Variants in BCL11B observed in about 807,000 individuals in gnomAD.
BCL11B encodes B-cell lymphoma/leukemia 11B.
In BCL11B, 8 loss-of-function variants were observed where a neutral mutation model predicts 49.9. The observed-to-expected ratio is 0.16, with a 90% CI of 0.09 to 0.29. BCL11B has a LOEUF of 0.29. Among genes scored for constraint, BCL11B ranks in the 10% least tolerant of loss-of-function variants. The pLI is 1.00. For synonymous variants in BCL11B, 739 were observed against 637.4 expected (o/e 1.16, Z -2.40); for missense variants, 1,006 against 1,351.0 (o/e 0.74, Z 4.00).
At position 99,205,362 on chromosome 14, in the gene BCL11B, C is replaced by T. The variant is rs926930248; in HGVS notation, c.640+25983G>A. Among the ~76,000 whole-genome samples the T allele has an allele frequency of 5.3e-5, 8 of 152,148 alleles. No individual in the cohort carries two copies. The highest frequency in any genetic ancestry group is 3.9e-4 in the Admixed American group (6 of 15,280). On this transcript the variant is annotated intron_variant, in intron 3 of 3. Coordinates refer to ENST00000357195, the MANE Select transcript of BCL11B (RefSeq NM_138576.4). The surrounding 1 kb of genome is among the most constrained non-coding windows in gnomAD (Gnocchi z 5.0). ...AGGCCAGCAGGGCCAGTGGAGGATTCGCATTCACTCTGGTGCTCCACAAGT... is the reference window on the plus strand; with the variant it reads ...AGGCCAGCAGGGCCAGTGGAGGATTTGCATTCACTCTGGTGCTCCACAAGT...
chr14:99,271,022 G>A, intron 1 of BCL11B, 139 bp downstream of exon 1: 1 of 888,186 alleles, frequency 1.1e-6, no homozygotes, highest in Non-Finnish European at 1.6e-6. Flanking sequence ...CCATGCTCCA[G>A]GCCGACGCCG....
chr14:99,175,206 GCTCCTCCTCCTC>G lies in BCL11B; in HGVS notation c.1618_1629del (p.Glu540_Glu543del), dbSNP rs761352760. 4.5e-6 allele frequency: 7 copies of G among 1,554,490 alleles called. No homozygotes were observed. Among genetic ancestry groups the G allele is most frequent in the African/African-American group, 1.4e-5 (1 of 73,320 alleles). On this transcript the variant is annotated inframe_deletion, in exon 4 of 4. Coordinates refer to ENST00000357195, the MANE Select transcript of BCL11B (RefSeq NM_138576.4). ...GGCCGGCTCTCGTTCTCCAGTAGCA[GCTCCTCCTCCTC>G]CTCCTCCTCCTCCTCGTCCTCCTCC...
At chr14:99,208,133 A>G (rs965982371) in intron 3 of BCL11B, among the ~76,000 whole-genome samples, 23 of 152,286 alleles carry the variant, frequency 1.5e-4, no homozygotes, top group African/African-American at 5.5e-4. Flanking sequence ...GCATGTTGCA[A>G]TGAGGAGTCT....
chr14:99,261,207 C>A (rs1889327499), intron 1 of BCL11B, among the ~76,000 whole-genome samples: 1 of 152,192 alleles, frequency 6.6e-6, no homozygotes. Flanking sequence ...AGTAAGTGGA[C>A]CAAGTGGGCC....
chr14:99,233,152 C>T (rs1888387037), intron 2 of BCL11B, among the ~76,000 whole-genome samples: 1 of 152,298 alleles, frequency 6.6e-6, no homozygotes, highest in South Asian at 2.1e-4. Context: ...TGGAAGCCTG[C>T]CCTAGCCTGA....
intron 3 of BCL11B, among the ~76,000 whole-genome samples, chr14:99,217,783 T>C (rs2139858399): frequency 6.6e-6 from 1 of 152,248 alleles, no homozygotes; most frequent in East Asian, 1.9e-4. Flanking sequence ...CTGGGCTCCT[T>C]AACCTCTGAC....
At chr14:99,225,965 A>G (rs1888148974) in intron 3 of BCL11B, among the ~76,000 whole-genome samples, 1 of 152,208 alleles carries the variant, frequency 6.6e-6, no homozygotes, top group Non-Finnish European at 1.5e-5. Flanking sequence ...TCACAGAAAG[A>G]GGCGTCTGGG....
chr14:99,193,257 T>G (rs985024946), intron 3 of BCL11B, among the ~76,000 whole-genome samples: 1 of 152,236 alleles, frequency 6.6e-6, no homozygotes, highest in African/African-American at 2.4e-5. Context: ...AAAGGTTTCA[T>G]TATGTTTTCA....
At chr14:99,190,431 T>C (rs930384588) in intron 3 of BCL11B, among the ~76,000 whole-genome samples, 1 of 152,220 alleles carries the variant, frequency 6.6e-6, no homozygotes, top group African/African-American at 2.4e-5. Flanking sequence ...GAGGTTGCAG[T>C]GAGCCGAGAT....
At chr14:99,206,538 CA>C (rs1887538491) in intron 3 of BCL11B, among the ~76,000 whole-genome samples, 1 of 152,218 alleles carries the variant, frequency 6.6e-6, no homozygotes, top group African/African-American at 2.4e-5. Context: ...CCAGCATATC[CA>C]TGCTGTAAGA....
chr14:99,197,384 C>T (rs968756438), intron 3 of BCL11B, among the ~76,000 whole-genome samples: 1 of 152,210 alleles, frequency 6.6e-6, no homozygotes, highest in Admixed American at 6.5e-5. Context: ...AAAGCAGGGT[C>T]TCCCACTCTG....
chr14:99,234,592 T>G (rs1433959965), intron 2 of BCL11B, among the ~76,000 whole-genome samples: 1 of 152,034 alleles, frequency 6.6e-6, no homozygotes, highest in Admixed American at 6.5e-5. Context: ...TGAGTCACTT[T>G]CTCAGAGCCT....
chr14:99,234,393 G>A (rs1158139392), intron 2 of BCL11B, among the ~76,000 whole-genome samples: 3 of 152,166 alleles, frequency 2.0e-5, no homozygotes, highest in Non-Finnish European at 4.4e-5. Context: ...CAGAGGAGGG[G>A]TATTTGCCTT....
At chr14:99,212,819 G>T (rs1042611163) in intron 3 of BCL11B, among the ~76,000 whole-genome samples, 4 of 152,182 alleles carry the variant, frequency 2.6e-5, no homozygotes, top group African/African-American at 4.8e-5. Flanking sequence ...CTGATCCCAG[G>T]GCCATGATGC....
chr14:99,264,334 GCA>G (rs1026507165), intron 1 of BCL11B: 1 of 151,682 alleles, frequency 6.6e-6, no homozygotes, highest in African/African-American at 2.4e-5. Context: ...CATTTCTGAG[GCA>G]CATGTTAATC....
chr14:99,185,434 C>G (rs998817713), intron 3 of BCL11B, among the ~76,000 whole-genome samples: 18 of 108,648 alleles, frequency 1.7e-4, no homozygotes, highest in African/African-American at 8.4e-4. Flanking sequence ...GAGACTCTGC[C>G]TTAAAAAAAA....
chr14:99,188,028 T>C (rs1434258423), intron 3 of BCL11B, among the ~76,000 whole-genome samples: 2 of 152,218 alleles, frequency 1.3e-5, no homozygotes, highest in African/African-American at 4.8e-5. Flanking sequence ...GACTCATTAC[T>C]GACACACTAC....
In BCL11B at chr14:99,232,954, G is replaced by A. The variant is rs1047024856; in HGVS notation, c.428-1397C>T. 9.2e-5 allele frequency among the ~76,000 whole-genome samples: 14 copies of A among 152,142 alleles called. No homozygotes were observed. The highest frequency in any genetic ancestry group is 8.5e-4 in the Admixed American group (13 of 15,286). On this transcript the variant is annotated intron_variant, in intron 2 of 3. Coordinates refer to ENST00000357195, the MANE Select transcript of BCL11B (RefSeq NM_138576.4). This position sits in a 1 kb window ranked among gnomAD's most constrained non-coding sequence, Gnocchi z 5.1. ...GTCAAAGCTAACACCAACACTGCTC[G>A]GAACCCCCTGAACCAACAAAGACCT...
chr14:99,233,750 A>G (rs1408106695), intron 2 of BCL11B, among the ~76,000 whole-genome samples: 1 of 152,212 alleles, frequency 6.6e-6, no homozygotes, highest in African/African-American at 2.4e-5. Flanking sequence ...AGGCGATGTC[A>G]CACACCACAC....
Sources: allele counts gnomAD v4.1 joint callset (sites outside exome capture counted in the v4.1 genomes callset), GRCh38; gene constraint gnomAD v4.1.1; non-coding constraint Gnocchi (gnomAD v3.1); transcripts MANE v1.5; gene names NCBI Gene and HGNC (gene_info 2026-07-23, HGNC 2026-07-21).